The following CCN4 variants were observed in gnomAD, a reference collection of about 807,000 sequenced individuals.
CCN4 encodes cellular communication network factor 4.
Under a neutral mutation model 36.7 loss-of-function variants are expected in CCN4, and 30 were observed. The observed-to-expected ratio is 0.82, with a 90% CI of 0.61 to 1.11. The LOEUF is 1.11. Ranked by LOEUF, CCN4 falls within the 50% of genes least tolerant of loss-of-function variation. The pLI is 0.00. For missense variants in CCN4, 505 were observed against 504.9 expected, an observed-to-expected ratio of 1.00 and a Z score of 0.00; for synonymous variants, 191 against 195.4, an observed-to-expected ratio of 0.98 and a Z score of 0.19.
intron 1 of CCN4, among the ~76,000 whole-genome samples, chr8:133,199,764 C>T (rs1342477333): frequency 2.0e-5 from 3 of 152,150 alleles, no homozygotes; most frequent in African/African-American, 7.2e-5. Context: ...TGGCCTTGTG[C>T]TCCAGTGCCA....
At chr8:133,196,480 C>T (rs1853387777) in intron 1 of CCN4, among the ~76,000 whole-genome samples, 1 of 152,148 alleles carries the variant, frequency 6.6e-6, no homozygotes, top group South Asian at 2.1e-4. Flanking sequence ...CTTTTTAATA[C>T]CGCTACTAGA....
intron 2 of CCN4, 132 bp from the exon 3 acceptor site, chr8:133,220,449 C>A: frequency 7.4e-7 from 1 of 1,344,270 alleles, no homozygotes; most frequent in Non-Finnish European, 1.0e-6. Flanking sequence ...TGCCTTTGTG[C>A]CTCTGTTCCT....
At chr8:133,211,760 A>G (rs1209010615) in intron 1 of CCN4, among the ~76,000 whole-genome samples, 1 of 152,188 alleles carries the variant, frequency 6.6e-6, no homozygotes, top group Non-Finnish European at 1.5e-5. Context: ...GCTGGGCAGG[A>G]TGATCCATGG....
intron 4 of CCN4, 22 bp downstream of exon 4, chr8:133,225,605 A>T: frequency 6.5e-7 from 1 of 1,534,390 alleles, no homozygotes; most frequent in African/African-American, 1.4e-5. Flanking sequence ...GCAGGTGTGG[A>T]TGTCTAGACT....
At chr8:133,216,588 C>T (rs752830964) in intron 2 of CCN4, among the ~76,000 whole-genome samples, 2 of 152,220 alleles carry the variant, frequency 1.3e-5, no homozygotes, top group African/African-American at 4.8e-5. Flanking sequence ...AAACTAAATA[C>T]ATCTGTGGGC....
intron 2 of CCN4, among the ~76,000 whole-genome samples, chr8:133,218,001 C>T (rs940258568): frequency 6.7e-6 from 1 of 149,724 alleles, no homozygotes; most frequent in East Asian, 2.0e-4. Context: ...GGCAGGGTGA[C>T]TCAGAATGCA....
chr8:133,207,427 A>G (rs1853820366), intron 1 of CCN4, among the ~76,000 whole-genome samples: 1 of 152,188 alleles, frequency 6.6e-6, no homozygotes, highest in Non-Finnish European at 1.5e-5. Flanking sequence ...CCCCCATGAA[A>G]TATTTGTTTT....
Position 133,226,752 on chromosome 8 carries a change from G to A in CCN4, c.805-659G>A, listed in dbSNP as rs187677556. Among the ~76,000 whole-genome samples, 41 of 152,180 alleles carry A rather than the reference G, an allele frequency of 2.7e-4. No homozygotes were observed. In the East Asian group the frequency reaches 2.9e-3, roughly 11 times the overall value. ...TCCCAAATTGGGCAAGCTTCATGCC[G>A]CCATACAGCCTAGATCTAGCATACT... On this transcript the variant is annotated intron_variant, in intron 4 of 4. Coordinates refer to ENST00000250160, the MANE Select transcript of CCN4 (RefSeq NM_003882.4).
chr8:133,205,767 C>T (rs952969177), intron 1 of CCN4, among the ~76,000 whole-genome samples: 1 of 152,178 alleles, frequency 6.6e-6, no homozygotes, highest in Non-Finnish European at 1.5e-5. Flanking sequence ...AGAAGGAAAG[C>T]ACTATTTTTG....
At chr8:133,194,433 TGTGTGTGTG>T (rs1853245711) in intron 1 of CCN4, among the ~76,000 whole-genome samples, 1 of 61,564 alleles carries the variant, frequency 1.6e-5, no homozygotes, top group Non-Finnish European at 2.7e-5. Context: ...GTGTGTGGTA[TGTGTGTGTG>T]GTGTGTGTGT....
intron 4 of CCN4, among the ~76,000 whole-genome samples, chr8:133,225,885 C>T (rs1487406274): frequency 1.3e-5 from 2 of 152,118 alleles, no homozygotes; most frequent in Non-Finnish European, 2.9e-5. Flanking sequence ...TACCAATTTC[C>T]ATCCTCCCTT....
At chr8:133,195,721 C>T (rs1027767860) in intron 1 of CCN4, among the ~76,000 whole-genome samples, 23 of 152,212 alleles carry the variant, frequency 1.5e-4, no homozygotes, top group Admixed American at 5.9e-4. Context: ...AGAGACAAAA[C>T]GCTACCTTGT....
At position 133,225,455 on chromosome 8, in the gene CCN4, T is replaced by C; in HGVS notation, c.676T>C (p.Cys226Arg). ...AGCCTACACAAGCCCCTGGAGCCCT[T>C]GCTCCACCAGCTGCGGCCTGGGGGT... ...CIAYTSPWSPCSTSCGLGVST... is the reference protein window; with the variant it reads ...CIAYTSPWSPRSTSCGLGVST... The change falls in exon 4 of 5, where the codon TGC (cysteine) becomes CGC (arginine). Residue 226 changes from cysteine (C) to arginine (R), a missense_variant. Transcript: ENST00000250160. 6.2e-7 allele frequency: 1 copy of C among 1,614,090 alleles called. No homozygotes were observed. The highest frequency in any genetic ancestry group is 8.5e-7 in the Non-Finnish European group (1 of 1,179,966).
intron 1 of CCN4, among the ~76,000 whole-genome samples, chr8:133,195,057 GGTGT>G (rs1001204682): frequency 2.7e-5 from 4 of 147,516 alleles, no homozygotes; most frequent in South Asian, 2.2e-4. Context: ...GTATGTGTGT[GGTGT>G]GTATTATGTA....
chr8:133,222,451 C>T (rs1327725698), intron 3 of CCN4, among the ~76,000 whole-genome samples: 1 of 151,928 alleles, frequency 6.6e-6, no homozygotes, highest in Non-Finnish European at 1.5e-5. Flanking sequence ...TTAAGAGAAG[C>T]TTCCAGTTTC....
At chr8:133,209,228 T>G (rs974522313) in intron 1 of CCN4, among the ~76,000 whole-genome samples, 6 of 152,104 alleles carry the variant, frequency 3.9e-5, no homozygotes, top group African/African-American at 1.4e-4. Flanking sequence ...TTATCACGAG[T>G]CAGGACTCAC....
At chr8:133,202,950 C>T (rs1202451735) in intron 1 of CCN4, among the ~76,000 whole-genome samples, 2 of 152,266 alleles carry the variant, frequency 1.3e-5, no homozygotes, top group African/African-American at 2.4e-5. Context: ...TATTCTCTCA[C>T]GGTCCCCAGG....
At chr8:133,210,879 G>A (rs1853998367) in intron 1 of CCN4, among the ~76,000 whole-genome samples, 1 of 152,204 alleles carries the variant, frequency 6.6e-6, no homozygotes, top group Admixed American at 6.5e-5. Flanking sequence ...GGCCCCAGGT[G>A]AAAAAGATAG....
At chr8:133,199,609 CAG>C (rs1388532518) in intron 1 of CCN4, among the ~76,000 whole-genome samples, 3 of 152,190 alleles carry the variant, frequency 2.0e-5, no homozygotes, top group Non-Finnish European at 4.4e-5. Flanking sequence ...TCATGGATAA[CAG>C]AGCTGGCAGG....
Sources: allele counts gnomAD v4.1 joint callset (sites outside exome capture counted in the v4.1 genomes callset), GRCh38; gene constraint gnomAD v4.1.1; transcripts MANE v1.5; gene names NCBI Gene and HGNC (gene_info 2026-07-23, HGNC 2026-07-21).